The following PRKCQ variants were observed in gnomAD, a reference collection of about 807,000 sequenced individuals.
PRKCQ encodes protein kinase C theta, also known as protein kinase C theta type.
PRKCQ carries 41 observed loss-of-function variants against 91.2 expected under a neutral mutation model. That is an observed-to-expected ratio of 0.45 (90% confidence interval 0.35 to 0.58). PRKCQ has a LOEUF of 0.58. Ranked by LOEUF, PRKCQ falls within the 20% of genes least tolerant of loss-of-function variation. PRKCQ has a pLI of 0.00. For synonymous variants in PRKCQ, 307 were observed against 316.9 expected, an observed-to-expected ratio of 0.97 and a Z score of 0.33; for missense variants, 673 against 896.5, an observed-to-expected ratio of 0.75 and a Z score of 3.18.
intron 7 of PRKCQ, 53 bp downstream of exon 7, chr10:6,496,982 T>C: frequency 6.6e-7 from 1 of 1,520,760 alleles, no homozygotes; most frequent in Non-Finnish European, 9.1e-7. Flanking sequence ...GGCTGTAACA[T>C]TTAACGTTCT....
At position 6,497,360 on chromosome 10, in the gene PRKCQ, T is replaced by A. The variant is rs1837677591; in HGVS notation, c.543-109A>T. 22 of 1,283,218 alleles carry A rather than the reference T, an allele frequency of 1.7e-5. No individual in the cohort carries two copies. Among genetic ancestry groups the A allele is most frequent in the African/African-American group, 4.4e-5 (3 of 68,042 alleles). 79.5% of individuals were successfully genotyped at this position (1,283,218 alleles called of 1,614,324 possible). On this transcript the variant is annotated intron_variant, in intron 5 of 17. Transcript: ENST00000263125. The surrounding 1 kb of genome is among the most constrained non-coding windows in gnomAD (Gnocchi z 4.5). ...TAACCCCCTAAGATCACAGAGCAGT[T>A]TCTGATCAGCAGCCCTGTTGTATCA... is the stretch of plus-strand genomic sequence containing the variant.
intron 16 of PRKCQ, among the ~76,000 whole-genome samples, chr10:6,438,607 T>A (rs1038617611): frequency 4.6e-5 from 7 of 152,106 alleles, no homozygotes; most frequent in African/African-American, 1.7e-4. Context: ...CTTTTTTTTT[T>A]GCGGGGGGGA....
At chr10:6,451,306 C>G (rs192678458) in intron 15 of PRKCQ, among the ~76,000 whole-genome samples, 361 of 152,044 alleles carry the variant, frequency 2.4e-3, no homozygotes, top group African/African-American at 8.2e-3. Context: ...CACCTCTACA[C>G]AAATAAACTA....
chr10:6,514,935 G>C, intron 2 of PRKCQ, 83 bp downstream of exon 2: 1 of 1,592,816 alleles, frequency 6.3e-7, no homozygotes, highest in Non-Finnish European at 8.5e-7. Flanking sequence ...GATGTCAAAT[G>C]TCCTGGAAGA....
chr10:6,555,099 T>C (rs1331897555), intron 1 of PRKCQ, among the ~76,000 whole-genome samples: 6 of 150,684 alleles, frequency 4.0e-5, no homozygotes, highest in Admixed American at 1.3e-4. Context: ...GACATAAAGA[T>C]GGCAACGATA....
chr10:6,457,711 C>T (rs931495579), intron 14 of PRKCQ, among the ~76,000 whole-genome samples: 9 of 152,148 alleles, frequency 5.9e-5, no homozygotes, highest in East Asian at 3.9e-4. Flanking sequence ...CAGGTTACAG[C>T]GGCACCCAGA....
chr10:6,564,135 G>A (rs913332511), intron 1 of PRKCQ, among the ~76,000 whole-genome samples: 11 of 152,284 alleles, frequency 7.2e-5, no homozygotes, highest in South Asian at 2.1e-4. Context: ...AAGAACTCAC[G>A]GGCCCCGCAA....
chr10:6,486,769 C>A (rs1400199238), intron 8 of PRKCQ, among the ~76,000 whole-genome samples: 5 of 152,246 alleles, frequency 3.3e-5, no homozygotes, highest in Non-Finnish European at 5.9e-5. Flanking sequence ...CCACTCCAGT[C>A]TGGGTCCAAA....
At position 6,498,574 on chromosome 10, in the gene PRKCQ, G is replaced by A. The variant is rs758925107; in HGVS notation, c.380-16C>T. 1 of 1,611,668 alleles carries A rather than the reference G, an allele frequency of 6.2e-7. No individual in the cohort carries two copies. Among genetic ancestry groups the A allele is most frequent in the Non-Finnish European group, 8.5e-7 (1 of 1,178,502 alleles). Reference sequence around the variant, plus strand: ...TCCTTTGTGTCTACAGGAAGAGAGAGGGGAAGAAAGTGAAGTTCTGCAAAA... The same window carrying A: ...TCCTTTGTGTCTACAGGAAGAGAGAAGGGAAGAAAGTGAAGTTCTGCAAAA... On this transcript the variant is annotated splice_polypyrimidine_tract_variant and intron_variant, in intron 4 of 17. Transcript: ENST00000263125.
chr10:6,475,543 T>G (rs1836225759), intron 12 of PRKCQ, among the ~76,000 whole-genome samples: 1 of 152,226 alleles, frequency 6.6e-6, no homozygotes, highest in African/African-American at 2.4e-5. Flanking sequence ...AATAATCTGG[T>G]ATTCAACAGG....
At chr10:6,513,911 C>T (rs1336855375) in intron 2 of PRKCQ, among the ~76,000 whole-genome samples, 3 of 152,188 alleles carry the variant, frequency 2.0e-5, no homozygotes, top group Non-Finnish European at 4.4e-5. Flanking sequence ...AAATAACACA[C>T]ATCCCTGCCC....
intron 12 of PRKCQ, among the ~76,000 whole-genome samples, chr10:6,471,789 C>A (rs1418266144): frequency 3.9e-5 from 6 of 151,976 alleles, no homozygotes; most frequent in South Asian, 4.2e-4. Flanking sequence ...ACAACAACAA[C>A]AAAAAACAAA....
At chr10:6,572,434 T>C (rs7078323) in intron 1 of PRKCQ, among the ~76,000 whole-genome samples, 1,773 of 152,276 alleles carry the variant, frequency 0.012, 38 homozygotes, top group African/African-American at 0.04. Context: ...CCTCCCTGTG[T>C]CCACATGTTC....
intron 2 of PRKCQ, among the ~76,000 whole-genome samples, chr10:6,513,762 G>A (rs1447692999): frequency 6.6e-6 from 1 of 152,134 alleles, no homozygotes; most frequent in Non-Finnish European, 1.5e-5. Context: ...TTTTGGTGGG[G>A]GATGCAAAAT....
chr10:6,518,726 C>G (rs1012358988), intron 1 of PRKCQ, among the ~76,000 whole-genome samples: 9 of 151,976 alleles, frequency 5.9e-5, no homozygotes, highest in Admixed American at 5.2e-4. Flanking sequence ...GAGGCTGAGG[C>G]AGGGGAATCG....
At chr10:6,463,276 C>T (rs1450177698) in intron 13 of PRKCQ, among the ~76,000 whole-genome samples, 5 of 152,076 alleles carry the variant, frequency 3.3e-5, no homozygotes, top group Non-Finnish European at 7.4e-5. Flanking sequence ...GGATTAAGGT[C>T]GGATATAAGA....
the PRKCQ span, among the ~76,000 whole-genome samples, chr10:6,400,752 A>T: frequency 2.7e-5 from 4 of 150,220 alleles, no homozygotes; most frequent in Non-Finnish European, 5.9e-5. Context: ...GCTGGCATGC[A>T]CCTACAGTCC....
chr10:6,446,357 GTTTTTTTTTTT>G (rs66839272), intron 15 of PRKCQ, among the ~76,000 whole-genome samples: 8 of 79,600 alleles, frequency 1.0e-4, no homozygotes, highest in Non-Finnish European at 1.6e-4. Context: ...ACTATGCTCA[GTTTTTTTTTTT>G]TTTTTTTTTT....
intron 4 of PRKCQ, among the ~76,000 whole-genome samples, chr10:6,505,890 C>T (rs1003939994): frequency 5.3e-5 from 8 of 152,144 alleles, no homozygotes; most frequent in African/African-American, 1.9e-4. Context: ...AAGTGATCTG[C>T]CCACCTCGGC....
Sources: allele counts gnomAD v4.1 joint callset (sites outside exome capture counted in the v4.1 genomes callset), GRCh38; gene constraint gnomAD v4.1.1; non-coding constraint Gnocchi (gnomAD v3.1); transcripts MANE v1.5; gene names NCBI Gene and HGNC (gene_info 2026-07-23, HGNC 2026-07-21).